SYNPR: variants seen among roughly 807,000 people sequenced by gnomAD.
The protein encoded by SYNPR is synaptoporin.
In SYNPR, 23 loss-of-function variants were observed where a neutral mutation model predicts 32.9. That is an observed-to-expected ratio of 0.70 (90% CI 0.50 to 0.99). The LOEUF (loss-of-function observed/expected upper bound fraction) is 0.99, where lower values mean the gene tolerates loss of function less well. Ranked by LOEUF, SYNPR falls within the 50% of genes least tolerant of loss-of-function variation. The pLI is 0.00. For missense variants in SYNPR, 318 were observed against 349.3 expected, an observed-to-expected ratio of 0.91 and a Z score of 0.71; for synonymous variants, 146 against 135.9, an observed-to-expected ratio of 1.07 and a Z score of -0.52.
intron 2 of SYNPR, among the ~76,000 whole-genome samples, chr3:63,261,105 T>G (rs1215757544): frequency 1.3e-5 from 2 of 152,128 alleles, no homozygotes; most frequent in Non-Finnish European, 1.5e-5. Flanking sequence ...GGAACACTTT[T>G]ACACTGTTGG....
In SYNPR at chr3:63,501,510, A is replaced by AAAAG. The variant is rs1701480827; in HGVS notation, c.209+20557_209+20558insGAAA. On this transcript the variant is annotated intron_variant, in intron 3 of 5. Coordinates refer to ENST00000478300, the MANE Select transcript of SYNPR (RefSeq NM_001130003.2). ...TCCCCCAACCAAAAAAAAAAAAAAA[A>AAAAG]AAAAGAAAAGAAAAAGAAAAAATAA... Among the ~76,000 whole-genome samples, 435 of 99,378 alleles carry AAAAG rather than the reference A, an allele frequency of 4.4e-3. 1 individual carries two copies. The highest frequency in any genetic ancestry group is 5.8e-3 in the Non-Finnish European group (291 of 50,012). The allele number at this position is 99,378 out of a possible 152,430, so 65.2% of individuals were successfully genotyped here. A position where few individuals can be genotyped will look rare whatever the true frequency, so the allele number is the denominator to read the frequency against.
intron 4 of SYNPR, among the ~76,000 whole-genome samples, chr3:63,557,085 T>G (rs114083793): frequency 2.2e-3 from 335 of 152,296 alleles, no homozygotes; most frequent in Admixed American, 4.1e-3. Context: ...TAATAATTGT[T>G]TAGTTTGAAA....
chr3:63,223,614 TC>T (rs140175717), upstream of SYNPR, among the ~76,000 whole-genome samples: 36,322 of 151,988 alleles, frequency 0.24, 5,065 homozygotes, highest in African/African-American at 0.37. Context: ...TTCAAGAAAT[TC>T]CTTTTTAAAA....
At chr3:63,448,160 T>C (rs892201350) in intron 2 of SYNPR, among the ~76,000 whole-genome samples, 3 of 152,146 alleles carry the variant, frequency 2.0e-5, no homozygotes, top group Non-Finnish European at 1.5e-5. Context: ...TGTGCCACCA[T>C]GCTCAGCTAA....
At chr3:63,586,848 T>A (rs181888955) in intron 4 of SYNPR, among the ~76,000 whole-genome samples, 38 of 152,120 alleles carry the variant, frequency 2.5e-4, no homozygotes, top group South Asian at 2.5e-3. Flanking sequence ...CTTGATCATA[T>A]TAATGGCTCA....
intron 2 of SYNPR, among the ~76,000 whole-genome samples, chr3:63,396,595 G>C (rs2088215983): frequency 6.6e-6 from 1 of 151,968 alleles, no homozygotes; most frequent in Admixed American, 6.5e-5. Flanking sequence ...GGACTATCAG[G>C]TCTTTAGTTT....
intron 2 of SYNPR, among the ~76,000 whole-genome samples, chr3:63,409,099 T>C (rs1485044102): frequency 2.6e-5 from 4 of 152,144 alleles, no homozygotes; most frequent in African/African-American, 9.7e-5. Context: ...CTTGTTCCAA[T>C]GTTATCATGG....
At chr3:63,208,540 AG>A in the SYNPR span, among the ~76,000 whole-genome samples, 1 of 152,242 alleles carries the variant, frequency 6.6e-6, no homozygotes, top group Non-Finnish European at 1.5e-5. Flanking sequence ...CATTTTTAAA[AG>A]TACTTTCCCA....
intron 1 of SYNPR, among the ~76,000 whole-genome samples, chr3:63,247,140 G>A (rs1265792848): frequency 1.3e-5 from 2 of 151,842 alleles, no homozygotes; most frequent in Admixed American, 6.6e-5. Context: ...GCTATTTTTA[G>A]GGGAAAAATG....
chr3:63,528,245 T>C (rs1190527813), intron 3 of SYNPR, among the ~76,000 whole-genome samples: 1 of 152,186 alleles, frequency 6.6e-6, no homozygotes, highest in Non-Finnish European at 1.5e-5. Flanking sequence ...TTATGCAACC[T>C]CAATTTGGGG....
intron 2 of SYNPR, among the ~76,000 whole-genome samples, chr3:63,349,668 C>T (rs1295859495): frequency 6.6e-6 from 1 of 152,134 alleles, no homozygotes; most frequent in African/African-American, 2.4e-5. Context: ...TGCATCCTGA[C>T]ACTTTACTGA....
intron 3 of SYNPR, among the ~76,000 whole-genome samples, chr3:63,552,916 T>C (rs2106823304): frequency 6.6e-6 from 1 of 152,342 alleles, no homozygotes; most frequent in Non-Finnish European, 1.5e-5. Flanking sequence ...TATTATGTTA[T>C]TAACATTATT....
At chr3:63,487,739 G>A (rs941581894) in intron 3 of SYNPR, among the ~76,000 whole-genome samples, 21 of 152,198 alleles carry the variant, frequency 1.4e-4, no homozygotes, top group African/African-American at 4.8e-4. Context: ...ACTAATGGGA[G>A]AATGAAAGCT....
At chr3:63,325,524 A>C (rs2087156446) in intron 2 of SYNPR, among the ~76,000 whole-genome samples, 1 of 152,082 alleles carries the variant, frequency 6.6e-6, no homozygotes, top group Non-Finnish European at 1.5e-5. Flanking sequence ...CCAGGATCTT[A>C]CTGAGGTGCC....
the SYNPR span, among the ~76,000 whole-genome samples, chr3:63,200,912 T>C: frequency 6.6e-6 from 1 of 152,108 alleles, no homozygotes; most frequent in East Asian, 1.9e-4. Flanking sequence ...CAATGGGCTG[T>C]CTCAACAAAA....
intron 2 of SYNPR, among the ~76,000 whole-genome samples, chr3:63,419,181 G>T (rs976810099): frequency 6.6e-5 from 10 of 152,204 alleles, no homozygotes; most frequent in African/African-American, 2.4e-4. Flanking sequence ...CAGTGTAAGT[G>T]ATGGCAAGCC....
chr3:63,232,769 C>G (rs544569654), intron 1 of SYNPR, among the ~76,000 whole-genome samples: 8 of 152,098 alleles, frequency 5.3e-5, no homozygotes, highest in African/African-American at 1.9e-4. Flanking sequence ...TGTCATCACC[C>G]AGAATGAGGA....
chr3:63,315,664 A>C (rs543045589), intron 2 of SYNPR, among the ~76,000 whole-genome samples: 1 of 151,908 alleles, frequency 6.6e-6, no homozygotes, highest in African/African-American at 2.4e-5. Context: ...TTTCAAGGTA[A>C]ACAATCATAT....
chr3:63,233,791 T>A (rs1043664282), intron 1 of SYNPR, among the ~76,000 whole-genome samples: 2 of 152,214 alleles, frequency 1.3e-5, no homozygotes, highest in African/African-American at 4.8e-5. Flanking sequence ...CCTGTATAGA[T>A]ATGCAATCCA....
Sources: allele counts gnomAD v4.1 joint callset (sites outside exome capture counted in the v4.1 genomes callset), GRCh38; gene constraint gnomAD v4.1.1; transcripts MANE v1.5; gene names NCBI Gene and HGNC (gene_info 2026-07-23, HGNC 2026-07-21).